ABI3BP: variants seen among roughly 807,000 people sequenced by gnomAD.
ABI3BP encodes ABI family member 3 binding protein.
ABI3BP carries 216 observed loss-of-function variants against 268.6 expected under a neutral mutation model. The ratio of observed to expected loss-of-function variants is 0.80; its 90% confidence interval spans 0.72 to 0.90. ABI3BP has a LOEUF of 0.90. Among genes scored for constraint, ABI3BP ranks in the 40% least tolerant of loss-of-function variants. ABI3BP has a pLI of 0.00. For missense variants in ABI3BP, 2,090 were observed against 2,182.4 expected, an observed-to-expected ratio of 0.96 and a Z score of 0.84; for synonymous variants, 730 against 730.0, an observed-to-expected ratio of 1.00 and a Z score of 0.00.
In ABI3BP at chr3:100,796,425, G is replaced by T; in HGVS notation, c.3801C>A (p.Val1267=). The T allele has an allele frequency of 6.3e-7, 1 of 1,597,830 alleles. No homozygotes were observed. The highest frequency in any genetic ancestry group is 8.5e-7 in the Non-Finnish European group (1 of 1,172,474). The part of the protein sequence containing the change: ...VLLPHKPYPE[V]SQSEPVLQPV... ...TTAATTTACCAGGTTCGCTCTGAGAGACCTCAGGGTATGGTTTATGAGGAA... is the reference window on the plus strand; with the variant it reads ...TTAATTTACCAGGTTCGCTCTGAGATACCTCAGGGTATGGTTTATGAGGAA... Residue 1267 remains valine (V), a synonymous_variant, in exon 52 of 68, where the codon GTC becomes GTA. Coordinates refer to ENST00000471714, the MANE Select transcript of ABI3BP (RefSeq NM_001375547.2).
chr3:100,864,467 AG>A (rs2099030300), intron 11 of ABI3BP: 1 of 317,092 alleles, frequency 3.2e-6, no homozygotes, highest in Admixed American at 4.6e-5. Flanking sequence ...GACTTCCCAA[AG>A]CCACTCTAAG....
chr3:100,762,173 G>A (rs769559907), intron 63 of ABI3BP, among the ~76,000 whole-genome samples: 1 of 152,038 alleles, frequency 6.6e-6, no homozygotes, highest in African/African-American at 2.4e-5. Context: ...TTATTTTATG[G>A]TGTCTTTTAT....
At chr3:100,762,795 C>T (rs182772390) in intron 63 of ABI3BP, among the ~76,000 whole-genome samples, 18 of 152,192 alleles carry the variant, frequency 1.2e-4, no homozygotes, top group Middle Eastern at 3.4e-3. Context: ...ACTCCTTGAC[C>T]ACCATAAAGT....
At chr3:100,833,602 G>C (rs2098527984) in intron 29 of ABI3BP, among the ~76,000 whole-genome samples, 1 of 152,178 alleles carries the variant, frequency 6.6e-6, no homozygotes, top group African/African-American at 2.4e-5. Context: ...TTTGTTGAGA[G>C]TGCACTTTGG....
intron 39 of ABI3BP, 123 bp from the exon 40 acceptor site, chr3:100,820,426 T>C: frequency 1.5e-6 from 1 of 662,354 alleles, no homozygotes; most frequent in Non-Finnish European, 2.4e-6. Context: ...AAATTTGTCT[T>C]TTTAACTTTT....
At chr3:100,944,663 A>C (rs1380943977) in intron 1 of ABI3BP, among the ~76,000 whole-genome samples, 1 of 152,158 alleles carries the variant, frequency 6.6e-6, no homozygotes, top group Non-Finnish European at 1.5e-5. Flanking sequence ...ACTGGAACCA[A>C]TGGTTTTATC....
Position 100,749,623 on chromosome 3 carries a change from G to GTAAA in ABI3BP, c.*868_*871dup. The GTAAA allele has an allele frequency of 5.0e-6, 2 of 398,252 alleles. No homozygotes were observed. The highest frequency in any genetic ancestry group is 4.4e-6 in the Non-Finnish European group (1 of 225,684). The allele number at this position is 398,252 out of a possible 1,614,324, so 24.7% of individuals were successfully genotyped here. On this transcript the variant is annotated 3_prime_UTR_variant, in exon 68 of 68. Transcript: ENST00000471714. The stretch of plus-strand genomic sequence containing the variant: ...AGAGGTCTTAACGTATAAATACATA[G>GTAAA]TAAATATCCTATAAAATGGTAGGCA...
intron 33 of ABI3BP, 94 bp downstream of exon 33, chr3:100,829,487 G>A (rs1388019462): frequency 8.5e-7 from 1 of 1,174,712 alleles, no homozygotes; most frequent in Non-Finnish European, 1.2e-6. Flanking sequence ...GTCTGATGTG[G>A]AATCAGCTGC....
chr3:100,848,303 G>A (rs2098797785), intron 18 of ABI3BP, among the ~76,000 whole-genome samples: 1 of 152,110 alleles, frequency 6.6e-6, no homozygotes, highest in Non-Finnish European at 1.5e-5. Flanking sequence ...GTATCACTCT[G>A]TATTGCTATG....
chr3:100,924,480 G>T (rs760841296), intron 2 of ABI3BP, among the ~76,000 whole-genome samples: 2 of 152,122 alleles, frequency 1.3e-5, no homozygotes, highest in Non-Finnish European at 2.9e-5. Flanking sequence ...ACCTGGTTAT[G>T]CTTTAAATAC....
At chr3:100,815,859 G>A (rs924396541) in intron 44 of ABI3BP, 53 bp downstream of exon 44, 7 of 1,348,792 alleles carry the variant, frequency 5.2e-6, no homozygotes, top group Non-Finnish European at 7.0e-6. Flanking sequence ...GTGCTCAAGT[G>A]CGTTTTTAAA....
In ABI3BP at chr3:100,842,042, G is replaced by T. The variant is rs1219421105; in HGVS notation, c.1724-3C>A. 1 of 1,533,868 alleles carries T rather than the reference G, an allele frequency of 6.5e-7. No homozygotes were observed. The highest frequency in any genetic ancestry group is 2.0e-5 in the Admixed American group (1 of 50,970). On this transcript the variant is annotated splice_polypyrimidine_tract_variant and splice_region_variant and intron_variant, in intron 20 of 67. Transcript: ENST00000471714. ...CAGTAGAGTCTGAGGTTCTGGGGCTGTAATAAAAGCAAGTAATATCAAAAG... is the reference window on the plus strand; with the variant it reads ...CAGTAGAGTCTGAGGTTCTGGGGCTTTAATAAAAGCAAGTAATATCAAAAG...
chr3:100,799,472 G>A (rs1410212202), intron 51 of ABI3BP, among the ~76,000 whole-genome samples: 1 of 152,058 alleles, frequency 6.6e-6, no homozygotes, highest in Non-Finnish European at 1.5e-5. Flanking sequence ...ATGTACTCAC[G>A]TAAGTTTCTA....
chr3:100,925,223 A>T (rs2061458037), intron 2 of ABI3BP, among the ~76,000 whole-genome samples: 1 of 152,210 alleles, frequency 6.6e-6, no homozygotes, highest in Non-Finnish European at 1.5e-5. Context: ...AAATAGATTC[A>T]TCTTCAACAT....
At chr3:100,898,629 C>G (rs2048766217) in intron 4 of ABI3BP, 133 bp downstream of exon 4, 3 of 1,019,210 alleles carry the variant, frequency 2.9e-6, no homozygotes, top group Non-Finnish European at 4.1e-6. Context: ...GGGCAGGGCC[C>G]CTGACTTTGT....
At chr3:100,923,144 T>C (rs1175071465) in intron 2 of ABI3BP, among the ~76,000 whole-genome samples, 1 of 152,200 alleles carries the variant, frequency 6.6e-6, no homozygotes, top group African/African-American at 2.4e-5. Context: ...TTAAAAATAA[T>C]TGGAATAGCC....
chr3:100,774,850 C>A (rs1305414807), intron 60 of ABI3BP, among the ~76,000 whole-genome samples, 177 bp from the exon 61 acceptor site: 3 of 152,120 alleles, frequency 2.0e-5, no homozygotes, highest in Non-Finnish European at 2.9e-5. Context: ...TGTCCTGCTG[C>A]AAGGTGTTCT....
At chr3:100,808,557 T>C (rs2152457177) in intron 49 of ABI3BP, among the ~76,000 whole-genome samples, 2 of 152,214 alleles carry the variant, frequency 1.3e-5, no homozygotes, top group Middle Eastern at 3.4e-3. Flanking sequence ...TAAGTTCATA[T>C]AATTTTATCA....
intron 2 of ABI3BP, among the ~76,000 whole-genome samples, chr3:100,914,084 T>A (rs752744660): frequency 6.6e-6 from 1 of 152,182 alleles, no homozygotes; most frequent in Non-Finnish European, 1.5e-5. Context: ...AAACAAGTAT[T>A]TTTTGAAAAG....
Sources: gnomAD v4.1 joint callset for allele counts (sites outside exome capture counted in the v4.1 genomes callset) on GRCh38, gnomAD v4.1.1 for gene constraint, MANE v1.5 for transcripts, NCBI Gene and HGNC (gene_info 2026-07-23, HGNC 2026-07-21) for gene names.